DMXL2: variants seen among roughly 807,000 people sequenced by gnomAD.
The protein encoded by DMXL2 is Dmx like 2.
In DMXL2, 103 loss-of-function variants were observed where a neutral mutation model predicts 331.1. That is an observed-to-expected ratio of 0.31 (90% CI 0.27 to 0.37). The LOEUF is 0.37. Among genes scored for constraint, DMXL2 ranks in the 10% least tolerant of loss-of-function variants. DMXL2 has a pLI of 1.00. For missense variants in DMXL2, 3,171 were observed against 3,642.9 expected (o/e 0.87, Z 3.33); for synonymous variants, 1,281 against 1,252.1 (o/e 1.02, Z -0.49).
chr15:51,459,189 A>G (rs1251743310), intron 34 of DMXL2: 2 of 195,786 alleles, frequency 1.0e-5, no homozygotes, highest in Non-Finnish European at 1.1e-5. Context: ...AACCGCAAAG[A>G]AACCACCCTT....
At position 51,539,668 on chromosome 15, in the gene DMXL2, G is replaced by A. The variant is rs1445873411; in HGVS notation, c.1106-1216C>T. ...TACAAAAACTACAAAAATTAGCCAG[G>A]TGTAGTGGCACACACCTGTGGTCCC... is the stretch of plus-strand genomic sequence containing the variant. On this transcript the variant is annotated intron_variant, in intron 9 of 43. Coordinates refer to ENST00000560891, the MANE Select transcript of DMXL2 (RefSeq NM_001378457.1). Among the ~76,000 whole-genome samples, 6 of 152,148 alleles carry A rather than the reference G, an allele frequency of 3.9e-5. No individual in the cohort carries two copies. The South Asian group carries it at 1.2e-3, about 32-fold the overall frequency.
Position 51,476,678 on chromosome 15 carries a change from T to G in DMXL2, c.6875A>C (p.Gln2292Pro). ...EGNQFTGMAY[Q>P]GLLLSDRRRL... is the part of the protein sequence containing the mutation. ...TCTACGATCACTTAAAAGAAGTCCTTGATAAGCCATTCCTGTAAACTGATT... is the reference window on the plus strand; with the variant it reads ...TCTACGATCACTTAAAAGAAGTCCTGGATAAGCCATTCCTGTAAACTGATT... The change falls in exon 27 of 44, where the codon CAA becomes CCA. Residue 2292 changes from glutamine to proline, a missense_variant. Gln to Pro is a moderately conservative substitution (Grantham distance 76). Coordinates refer to ENST00000560891, the MANE Select transcript of DMXL2 (RefSeq NM_001378457.1). The G allele has an allele frequency of 6.2e-7, 1 of 1,609,436 alleles. No individual in the cohort carries two copies.
chr15:51,609,175 A>G (rs2053790411), intron 1 of DMXL2, among the ~76,000 whole-genome samples: 2 of 152,252 alleles, frequency 1.3e-5, no homozygotes, highest in Admixed American at 1.3e-4. Flanking sequence ...GACTAGAGGG[A>G]AAAAACTGAA....
rs368278347 is a variant in DMXL2, at chr15:51,538,352, T to C, written c.1206A>G (p.Ser402=). 10 of 1,613,700 alleles carry C rather than the reference T, an allele frequency of 6.2e-6. No homozygotes were observed. In the African/African-American group the frequency reaches 9.3e-5, roughly 15 times the overall value. The change falls in exon 10 of 44, where the codon TCA becomes TCG. Residue 402 remains serine, a synonymous_variant. Transcript: ENST00000560891. The part of the protein sequence containing the change: ...WLNNKEFHFT[S]STEVFMHQLR... Reference sequence around the variant, plus strand: ...ATTGATGCATAAATACTTCTGTAGATGATGTAAAATGAAATTCCTTGTTGT... The same window carrying C: ...ATTGATGCATAAATACTTCTGTAGACGATGTAAAATGAAATTCCTTGTTGT...
intron 13 of DMXL2, among the ~76,000 whole-genome samples, chr15:51,519,452 A>T (rs1250237988): frequency 1.3e-5 from 2 of 152,174 alleles, no homozygotes; most frequent in Non-Finnish European, 2.9e-5. Context: ...CAAAGTAGTT[A>T]AAAAATGCTA....
At chr15:51,593,591 C>G (rs2052561826) in intron 1 of DMXL2, among the ~76,000 whole-genome samples, 1 of 152,214 alleles carries the variant, frequency 6.6e-6, no homozygotes, top group Admixed American at 6.5e-5. Flanking sequence ...GAACTCTCCA[C>G]CCCAAATCAA....
intron 1 of DMXL2, among the ~76,000 whole-genome samples, chr15:51,588,743 C>T (rs1339859477): frequency 1.3e-5 from 2 of 152,194 alleles, no homozygotes; most frequent in Non-Finnish European, 2.9e-5. Flanking sequence ...TGTAATTAAA[C>T]TTCCAACACC....
intron 5 of DMXL2, 96 bp downstream of exon 5, chr15:51,564,029 G>A (rs930573664): frequency 2.2e-5 from 30 of 1,356,126 alleles, no homozygotes; most frequent in Non-Finnish European, 3.0e-5. Flanking sequence ...AAATGCAATG[G>A]TACCATCAAA....
At chr15:51,466,340 A>G (rs2040566668) in intron 29 of DMXL2, 29 bp from the exon 30 acceptor site, 2 of 1,055,982 alleles carry the variant, frequency 1.9e-6, no homozygotes, top group African/African-American at 3.4e-5. Flanking sequence ...TTATTTTTTT[A>G]AAGATTATAA....
At chr15:51,507,843 G>A (rs1294944189) in intron 15 of DMXL2, among the ~76,000 whole-genome samples, 1 of 150,604 alleles carries the variant, frequency 6.6e-6, no homozygotes, top group African/African-American at 2.4e-5. Flanking sequence ...TGTGGGGGAA[G>A]GAGCAGTGGT....
chr15:51,517,472 G>A lies in DMXL2; in HGVS notation c.2437-305C>T, dbSNP rs772867863. Reference sequence around the variant, plus strand: ...GAAGATCTGGCCCAATGCCTGAGTGGTCTGCAGATGTGCAATGCCATTTAA... The same window carrying A: ...GAAGATCTGGCCCAATGCCTGAGTGATCTGCAGATGTGCAATGCCATTTAA... On this transcript the variant is annotated intron_variant, in intron 13 of 43. Transcript: ENST00000560891. Among the ~76,000 whole-genome samples the A allele has an allele frequency of 1.4e-3, 209 of 152,200 alleles. 2 individuals carry two copies. The highest frequency in any genetic ancestry group is 2.0e-3 in the Non-Finnish European group (138 of 68,038).
chr15:51,542,602 T>C (rs1036801008), intron 8 of DMXL2, 95 bp from the exon 9 acceptor site: 32 of 963,888 alleles, frequency 3.3e-5, no homozygotes, highest in Non-Finnish European at 4.5e-5. Flanking sequence ...AAGATTTTTT[T>C]CTCCATAAAA....
intron 17 of DMXL2, among the ~76,000 whole-genome samples, 169 bp from the exon 18 acceptor site, chr15:51,500,400 A>G (rs1184720927): frequency 2.6e-5 from 4 of 152,242 alleles, no homozygotes; most frequent in African/African-American, 9.6e-5. Flanking sequence ...CCATTGGCCA[A>G]CATATCTATA....
At chr15:51,572,047 A>G (rs2050704110) in intron 2 of DMXL2, among the ~76,000 whole-genome samples, 1 of 152,192 alleles carries the variant, frequency 6.6e-6, no homozygotes, top group South Asian at 2.1e-4. Flanking sequence ...TAGCCAGACT[A>G]ATAAAGAAAA....
intron 1 of DMXL2, among the ~76,000 whole-genome samples, chr15:51,618,152 C>CA (rs1250429057): frequency 3.3e-5 from 5 of 152,220 alleles, no homozygotes; most frequent in Middle Eastern, 3.4e-3. Flanking sequence ...TTCCCCTGGC[C>CA]AAAAGTTCTC....
rs962704379 is a variant in DMXL2, at chr15:51,490,152, T to C, written c.4953+1426A>G. On this transcript the variant is annotated intron_variant, in intron 20 of 43. Transcript: ENST00000560891. ...ATTCCTTCTTATATCTGTGCTTATT[T>C]TGAGAAAAGAAATACTGATATTTTG... 2.0e-5 allele frequency among the ~76,000 whole-genome samples: 3 copies of C among 152,226 alleles called. No individual in the cohort carries two copies. In the East Asian group the frequency reaches 5.8e-4, roughly 29 times the overall value.
intron 13 of DMXL2, among the ~76,000 whole-genome samples, chr15:51,518,523 C>A (rs1425156383): frequency 1.3e-5 from 2 of 152,062 alleles, no homozygotes; most frequent in Non-Finnish European, 2.9e-5. Context: ...CATACTTACT[C>A]CCTGAAACTA....
At chr15:51,569,956 GA>G (rs2050551283) in intron 2 of DMXL2, among the ~76,000 whole-genome samples, 1 of 152,068 alleles carries the variant, frequency 6.6e-6, no homozygotes, top group Admixed American at 6.6e-5. Flanking sequence ...CAAACTGACA[GA>G]AGTAGGCTTC....
intron 33 of DMXL2, among the ~76,000 whole-genome samples, chr15:51,462,795 A>T (rs1429951747): frequency 6.6e-6 from 1 of 152,182 alleles, no homozygotes; most frequent in Non-Finnish European, 1.5e-5. Context: ...CCAATCTCCC[A>T]AACTGCTAAT....
Sources: gnomAD v4.1 joint callset for allele counts (sites outside exome capture counted in the v4.1 genomes callset) on GRCh38, gnomAD v4.1.1 for gene constraint, MANE v1.5 for transcripts, NCBI Gene and HGNC (gene_info 2026-07-23, HGNC 2026-07-21) for gene names.